Variants in LDB3 observed in about 807,000 individuals in gnomAD.
LDB3 encodes LIM domain binding 3, also known as LIM domain-binding protein 3.
In LDB3, 49 loss-of-function variants were observed where a neutral mutation model predicts 69.0. That is an observed-to-expected ratio of 0.71 (90% CI 0.56 to 0.90). LDB3 has a LOEUF of 0.90. LDB3 is among the 40% of genes least tolerant of loss of function. LDB3 has a pLI of 0.00. For missense variants in LDB3, 928 were observed against 974.1 expected, an observed-to-expected ratio of 0.95 and a Z score of 0.63; for synonymous variants, 387 against 396.2, an observed-to-expected ratio of 0.98 and a Z score of 0.28.
intron 3 of LDB3, 140 bp downstream of exon 3, chr10:86,679,658 T>C (rs970885452): frequency 2.0e-6 from 2 of 984,062 alleles, no homozygotes; most frequent in Admixed American, 2.0e-5. Flanking sequence ...AGGACAGCCC[T>C]GGGCCAGAGG....
intron 2 of LDB3, among the ~76,000 whole-genome samples, chr10:86,669,125 GC>G (rs1273705860): frequency 6.6e-6 from 1 of 152,176 alleles, no homozygotes; most frequent in Non-Finnish European, 1.5e-5. Context: ...GGCTCAGGGT[GC>G]CCCCAAGCCT....
chr10:86,713,622 T>C (rs932004517), intron 9 of LDB3, among the ~76,000 whole-genome samples: 1 of 152,166 alleles, frequency 6.6e-6, no homozygotes, highest in African/African-American at 2.4e-5. Context: ...CCCTTATATA[T>C]AACAGAGGGA....
chr10:86,690,876 T>C (rs1845724691), intron 5 of LDB3, among the ~76,000 whole-genome samples: 2 of 152,200 alleles, frequency 1.3e-5, no homozygotes, highest in Non-Finnish European at 2.9e-5. Context: ...GGCCCTTATC[T>C]GCTGTAACCT....
In LDB3 at chr10:86,727,242, A is replaced by G. The variant is rs909552789; in HGVS notation, c.2094+990A>G. 2.6e-5 allele frequency among the ~76,000 whole-genome samples: 4 copies of G among 151,910 alleles called. No individual in the cohort carries two copies. In the East Asian group the frequency reaches 5.8e-4, roughly 22 times the overall value. On this transcript the variant is annotated intron_variant, in intron 13 of 13. Transcript: ENST00000361373. ...TCACCATGTTGGCCAGACTGGTCTC[A>G]AACTCCTGACCTCAGGTGATTCACC...
At chr10:86,703,874 G>A (rs1042182239) in intron 7 of LDB3, among the ~76,000 whole-genome samples, 2 of 152,162 alleles carry the variant, frequency 1.3e-5, no homozygotes, top group Admixed American at 6.5e-5. Context: ...AGCACTTTGG[G>A]AGGCCAAAGC....
At chr10:86,680,851 G>C (rs765704254) in intron 4 of LDB3, among the ~76,000 whole-genome samples, 1 of 152,246 alleles carries the variant, frequency 6.6e-6, no homozygotes, top group Non-Finnish European at 1.5e-5. Context: ...GATTGGGCAG[G>C]GCAGTGGGGA....
intron 7 of LDB3, 42 bp from the exon 8 acceptor site, chr10:86,706,489 A>T: frequency 6.2e-7 from 1 of 1,605,420 alleles, no homozygotes. Context: ...CAGGGTCTCT[A>T]GGCTCCCTTG....
At chr10:86,721,306 G>A (rs977674567) in intron 12 of LDB3, among the ~76,000 whole-genome samples, 4 of 152,088 alleles carry the variant, frequency 2.6e-5, no homozygotes, top group Non-Finnish European at 5.9e-5. Flanking sequence ...TTTACGTCTC[G>A]TCATTTTAAT....
intron 12 of LDB3, among the ~76,000 whole-genome samples, chr10:86,719,913 G>A (rs980564763): frequency 2.0e-5 from 3 of 152,202 alleles, no homozygotes; most frequent in Admixed American, 6.5e-5. Flanking sequence ...TTCCAGAAAA[G>A]GTAACACAGA....
At chr10:86,726,367 AT>A in intron 13 of LDB3, 115 bp downstream of exon 13, 1 of 781,700 alleles carries the variant, frequency 1.3e-6, no homozygotes, top group South Asian at 1.5e-5. Flanking sequence ...CATCCTGATC[AT>A]TTTTAAAAGC....
Position 86,679,793 on chromosome 10 carries a change from T to A in LDB3, c.245+275T>A, listed in dbSNP as rs529954673. ...TGGGCCATTGGTCCTGGAAGGCAGG[T>A]CTTACCTACTTCCACTTTGCCCAGG... On this transcript the variant is annotated intron_variant, in intron 3 of 13. Transcript: ENST00000361373. 1.1e-4 allele frequency among the ~76,000 whole-genome samples: 16 copies of A among 152,312 alleles called. No individual in the cohort carries two copies. The South Asian group carries it at 3.1e-3, about 30-fold the overall frequency.
chr10:86,684,521 C>T (rs1418038333), intron 5 of LDB3, among the ~76,000 whole-genome samples: 1 of 152,256 alleles, frequency 6.6e-6, no homozygotes, highest in Non-Finnish European at 1.5e-5. Flanking sequence ...TCCGTGCTGG[C>T]CCTTTCCTAA....
chr10:86,701,523 C>T (rs930648564), intron 7 of LDB3, among the ~76,000 whole-genome samples: 6 of 152,170 alleles, frequency 3.9e-5, no homozygotes, highest in African/African-American at 1.4e-4. Context: ...ATTCAGCATC[C>T]GGTGTCTGTG....
At chr10:86,709,312 G>A (rs905220356) in intron 8 of LDB3, among the ~76,000 whole-genome samples, 1 of 152,068 alleles carries the variant, frequency 6.6e-6, no homozygotes, top group East Asian at 1.9e-4. Context: ...GTGACCCTAG[G>A]CCCCTTGAAA....
intron 10 of LDB3, 117 bp downstream of exon 10, chr10:86,716,888 A>C (rs1053770704): frequency 1.7e-5 from 19 of 1,129,242 alleles, no homozygotes; most frequent in Non-Finnish European, 2.3e-5. Context: ...TGTAGGGAGA[A>C]AGCCTCGGGT....
intron 7 of LDB3, among the ~76,000 whole-genome samples, chr10:86,693,084 G>A (rs75554027): frequency 2.0e-4 from 30 of 151,122 alleles, no homozygotes; most frequent in African/African-American, 7.0e-4. Flanking sequence ...AATAGTTGCT[G>A]AAAAAAAAAG....
At chr10:86,723,275 A>C (rs1847148662) in intron 12 of LDB3, among the ~76,000 whole-genome samples, 2 of 149,806 alleles carry the variant, frequency 1.3e-5, no homozygotes, top group African/African-American at 4.9e-5. Flanking sequence ...ATCTAAAAAA[A>C]AAAAAAAAAA....
intron 13 of LDB3, among the ~76,000 whole-genome samples, chr10:86,730,910 T>C (rs748680367): frequency 1.2e-4 from 19 of 152,190 alleles, no homozygotes; most frequent in Non-Finnish European, 1.3e-4. Context: ...CCCAGCACTT[T>C]GGGAGGCCAA....
intron 13 of LDB3, 161 bp downstream of exon 13, chr10:86,726,413 C>T (rs1441475618): frequency 6.0e-6 from 4 of 671,072 alleles, no homozygotes; most frequent in African/African-American, 3.6e-5. Context: ...ACATCACAGT[C>T]GAACAAAGTT....
Sources: gnomAD v4.1 joint callset for allele counts (sites outside exome capture counted in the v4.1 genomes callset) on GRCh38, gnomAD v4.1.1 for gene constraint, MANE v1.5 for transcripts, NCBI Gene and HGNC (gene_info 2026-07-23, HGNC 2026-07-21) for gene names.